IFT70A: variants seen among roughly 807,000 people sequenced by gnomAD.
IFT70A encodes the protein intraflagellar transport protein 70A.
chr2:177,618,530 G>T, the IFT70A span: 1 of 1,591,320 alleles, frequency 6.3e-7, no homozygotes, highest in Non-Finnish European at 8.6e-7. Flanking sequence ...AACTCCTGCA[G>T]GCGGTAGTAG....
chr2:177,616,775 T>A, the IFT70A span: 20 of 1,586,050 alleles, frequency 1.3e-5, no homozygotes, highest in South Asian at 2.4e-4. Flanking sequence ...ACTGTATTCT[T>A]CCCAACATGC....
the IFT70A span, chr2:177,618,207 G>A: frequency 5.0e-6 from 8 of 1,614,232 alleles, no homozygotes; most frequent in Non-Finnish European, 6.8e-6. Context: ...GTCCCTCCTT[G>A]TAGAGCAAAC....
At chr2:177,618,017 T>A in the IFT70A span, 1 of 1,614,058 alleles carries the variant, frequency 6.2e-7, no homozygotes, top group Non-Finnish European at 8.5e-7. Flanking sequence ...TCGGTGGTCA[T>A]GCCCACACCT....
chr2:177,613,855 T>C, the IFT70A span: 1 of 152,224 alleles, frequency 6.6e-6, no homozygotes, highest in South Asian at 2.1e-4. Flanking sequence ...AACGTGCAAA[T>C]TTCACTTTTG....
At chr2:177,613,882 C>T in the IFT70A span, 1 of 152,130 alleles carries the variant, frequency 6.6e-6, no homozygotes, top group Non-Finnish European at 1.5e-5. Context: ...GATTTGGGCC[C>T]ATTTTATATG....
the IFT70A span, chr2:177,618,713 C>A: frequency 6.5e-7 from 1 of 1,535,586 alleles, no homozygotes; most frequent in Non-Finnish European, 8.8e-7. Flanking sequence ...ACCACCACGG[C>A]TGTTATGCGT....
chr2:177,615,334 G>A, the IFT70A span: 27 of 152,272 alleles, frequency 1.8e-4, no homozygotes, highest in Non-Finnish European at 3.8e-4. Context: ...AGGATTAAAA[G>A]CAAATCTCCT....
chr2:177,615,801 T>G, the IFT70A span: 1 of 152,148 alleles, frequency 6.6e-6, no homozygotes, highest in South Asian at 2.1e-4. Flanking sequence ...AAGGAATTTC[T>G]GACAGCCTAA....
At chr2:177,613,904 T>C in the IFT70A span, 1 of 152,200 alleles carries the variant, frequency 6.6e-6, no homozygotes. Flanking sequence ...TCACATGATA[T>C]TAATATTTGC....
the IFT70A span, chr2:177,615,597 T>C: frequency 6.6e-6 from 1 of 152,246 alleles, no homozygotes; most frequent in East Asian, 1.9e-4. Context: ...TAACATTTAC[T>C]GTAAGCCAAA....
the IFT70A span, chr2:177,614,044 T>C: frequency 6.6e-6 from 1 of 152,170 alleles, no homozygotes; most frequent in Non-Finnish European, 1.5e-5. Flanking sequence ...AAATACACAT[T>C]ATGATGTTGT....
chr2:177,617,788 C>G, the IFT70A span: 14 of 1,614,104 alleles, frequency 8.7e-6, no homozygotes, highest in African/African-American at 1.9e-4. Context: ...CTTTTCAAAC[C>G]CTTCTGTAGG....
At chr2:177,618,671 C>T in the IFT70A span, 4 of 1,595,412 alleles carry the variant, frequency 2.5e-6, no homozygotes, top group South Asian at 4.5e-5. Context: ...AACTCCCCGT[C>T]GGGGATCTGC....
At chr2:177,618,651 T>G in the IFT70A span, 8 of 1,606,864 alleles carry the variant, frequency 5.0e-6, no homozygotes, top group African/African-American at 4.0e-5. Flanking sequence ...GCCGGTACAC[T>G]AGCGCGGTAA....
At chr2:177,618,458 G>T in the IFT70A span, 1 of 1,598,452 alleles carries the variant, frequency 6.3e-7, no homozygotes, top group Non-Finnish European at 8.5e-7. Context: ...TGGTACAGGC[G>T]GTACTGCTCC....
chr2:177,618,588 C>T, the IFT70A span: 1 of 1,603,130 alleles, frequency 6.2e-7, no homozygotes, highest in Non-Finnish European at 8.5e-7. Context: ...GGCTCCGCTG[C>T]AGTTCTCGGC....
the IFT70A span, chr2:177,618,645 G>A: frequency 8.1e-6 from 13 of 1,608,142 alleles, no homozygotes; most frequent in Non-Finnish European, 9.3e-6. Context: ...GGATGAGCCG[G>A]TACACTAGCG....
At chr2:177,617,847 C>G in the IFT70A span, 3 of 1,614,190 alleles carry the variant, frequency 1.9e-6, no homozygotes, top group Non-Finnish European at 2.5e-6. Context: ...TCACAGGGTC[C>G]AACTCTTCCT....
At chr2:177,617,640 G>C in the IFT70A span, 2 of 1,614,230 alleles carry the variant, frequency 1.2e-6, no homozygotes, top group Non-Finnish European at 8.5e-7. Flanking sequence ...GATAGGGTGT[G>C]AGGAACTTAT....
Sources: gnomAD v4.1 joint callset for allele counts on GRCh38, gnomAD v4.1.1 for gene constraint, MANE v1.5 for transcripts, NCBI Gene and HGNC (gene_info 2026-07-23, HGNC 2026-07-21) for gene names.